CDH13: variants seen among roughly 807,000 people sequenced by gnomAD.
The protein encoded by CDH13 is cadherin-13.
A neutral mutation model predicts 63.8 loss-of-function variants in CDH13; 24 were observed. The ratio of observed to expected loss-of-function variants is 0.38; its 90% CI spans 0.27 to 0.53. The LOEUF (loss-of-function observed/expected upper bound fraction) is 0.53. Among genes scored for constraint, CDH13 ranks in the 20% least tolerant of loss-of-function variants. CDH13 has a pLI of 0.85. For synonymous variants in CDH13, 503 were observed against 355.3 expected, an observed-to-expected ratio of 1.42 and a Z score of -4.67; for missense variants, 1,049 against 903.1, an observed-to-expected ratio of 1.16 and a Z score of -2.07.
chr16:82,722,412 C>T (rs1567466842), intron 1 of CDH13, among the ~76,000 whole-genome samples: 1 of 151,794 alleles, frequency 6.6e-6, no homozygotes, highest in Non-Finnish European at 1.5e-5. Context: ...ACAACCCCAG[C>T]AGAGAGAGAG....
At chr16:83,115,289 T>C (rs1173882351) in intron 3 of CDH13, among the ~76,000 whole-genome samples, 1 of 152,224 alleles carries the variant, frequency 6.6e-6, no homozygotes, top group African/African-American at 2.4e-5. Context: ...CAGCAAGTCG[T>C]TGAATGGATT....
At chr16:83,051,079 A>T (rs376110589) in intron 3 of CDH13, among the ~76,000 whole-genome samples, 132 of 152,222 alleles carry the variant, frequency 8.7e-4, no homozygotes, top group African/African-American at 2.9e-3. Context: ...TTTTCCTGTG[A>T]TCCAATCTGC....
At chr16:83,209,715 C>A (rs539941345) in intron 4 of CDH13, among the ~76,000 whole-genome samples, 59 of 152,190 alleles carry the variant, frequency 3.9e-4, no homozygotes, top group African/African-American at 1.4e-3. Context: ...GGGACAGTTA[C>A]CACCACCCAC....
At chr16:83,486,800 C>G in intron 7 of CDH13, 145 bp downstream of exon 7, 1 of 723,442 alleles carries the variant, frequency 1.4e-6, no homozygotes. Flanking sequence ...TGGGGAAAAT[C>G]TATAAAGGGA....
At chr16:83,257,136 G>T (rs1906392159) in intron 5 of CDH13, among the ~76,000 whole-genome samples, 1 of 152,118 alleles carries the variant, frequency 6.6e-6, no homozygotes, top group African/African-American at 2.4e-5. Context: ...GGGGGATGGA[G>T]GAAGGTTTCT....
intron 1 of CDH13, among the ~76,000 whole-genome samples, chr16:82,740,420 C>T (rs1567485994): frequency 1.3e-5 from 2 of 152,204 alleles, no homozygotes; most frequent in Admixed American, 6.5e-5. Context: ...CCGCTTTCTT[C>T]AGAAGTGTCT....
intron 1 of CDH13, among the ~76,000 whole-genome samples, chr16:82,843,881 C>A (rs2039138203): frequency 6.6e-6 from 1 of 152,188 alleles, no homozygotes; most frequent in Non-Finnish European, 1.5e-5. Flanking sequence ...TGACTATGCA[C>A]CATCAGTGAG....
intron 1 of CDH13, chr16:82,844,895 T>A (rs1567593783): frequency 1.3e-5 from 2 of 151,982 alleles, no homozygotes; most frequent in Non-Finnish European, 2.9e-5. Flanking sequence ...GACTTTGTGA[T>A]CCGCCTGCCT....
intron 2 of CDH13, among the ~76,000 whole-genome samples, chr16:82,986,134 G>T (rs1910908840): frequency 1.3e-5 from 2 of 152,180 alleles, no homozygotes; most frequent in Admixed American, 1.3e-4. Context: ...GAGATGTTGT[G>T]GGACAACATA....
chr16:82,772,778 C>T (rs1385272490), intron 1 of CDH13, among the ~76,000 whole-genome samples: 2 of 152,158 alleles, frequency 1.3e-5, no homozygotes. Context: ...ATATGTCTAA[C>T]ATCATAGTGG....
At chr16:83,124,663 A>G (rs1222653588) in intron 3 of CDH13, among the ~76,000 whole-genome samples, 1 of 151,872 alleles carries the variant, frequency 6.6e-6, no homozygotes, top group African/African-American at 2.4e-5. Context: ...TAGGTCTTTA[A>G]TCCATCTTGA....
intron 2 of CDH13, among the ~76,000 whole-genome samples, chr16:83,003,390 T>G (rs1913145193): frequency 1.3e-5 from 2 of 149,866 alleles, no homozygotes; most frequent in Non-Finnish European, 3.0e-5. Flanking sequence ...TTAAGTGGGT[T>G]TTTTTTTTTA....
chr16:83,456,179 C>T (rs920024798), intron 6 of CDH13, among the ~76,000 whole-genome samples: 15 of 152,246 alleles, frequency 9.9e-5, no homozygotes, highest in African/African-American at 3.6e-4. Flanking sequence ...GTTGATAGAA[C>T]AGCAAACAAG....
At chr16:83,014,764 A>G (rs866107278) in intron 2 of CDH13, among the ~76,000 whole-genome samples, 19 of 51,118 alleles carry the variant, frequency 3.7e-4, no homozygotes, top group East Asian at 6.2e-4. Context: ...ATATATATAT[A>G]TATATATATA....
At chr16:82,803,536 G>A (rs774245533) in intron 1 of CDH13, among the ~76,000 whole-genome samples, 1 of 152,140 alleles carries the variant, frequency 6.6e-6, no homozygotes, top group Non-Finnish European at 1.5e-5. Flanking sequence ...TTTAGGGAAC[G>A]ACTCCAATGT....
intron 8 of CDH13, among the ~76,000 whole-genome samples, chr16:83,606,228 A>G (rs1022703159): frequency 6.6e-6 from 1 of 152,248 alleles, no homozygotes; most frequent in Non-Finnish European, 1.5e-5. Context: ...ATTTTTTCAT[A>G]TCTTAGGACA....
intron 6 of CDH13, among the ~76,000 whole-genome samples, chr16:83,406,533 G>A (rs1391813941): frequency 3.3e-5 from 5 of 150,656 alleles, no homozygotes; most frequent in Non-Finnish European, 7.4e-5. Context: ...GCACAATCTT[G>A]TCTCACTGCA....
At chr16:83,736,138 A>G (rs1316427532) in intron 10 of CDH13, among the ~76,000 whole-genome samples, 1 of 152,170 alleles carries the variant, frequency 6.6e-6, no homozygotes, top group Non-Finnish European at 1.5e-5. Context: ...TAGATTACCT[A>G]TAGGATCAGA....
chr16:82,649,801 C>T lies in CDH13; in HGVS notation c.45+22664C>T, dbSNP rs1189470917. 4.6e-5 allele frequency among the ~76,000 whole-genome samples: 7 copies of T among 152,150 alleles called. No individual in the cohort carries two copies. In the East Asian group the frequency reaches 5.8e-4, roughly 13 times the overall value. On this transcript the variant is annotated intron_variant, in intron 1 of 13. Transcript: ENST00000567109. The stretch of plus-strand genomic sequence containing the variant: ...ACTGCCTGGGTTTGAGTCTCAACTC[C>T]GCTGCCCTGTAACCTTGAGCAAACC...
Sources: gnomAD v4.1 joint callset for allele counts (sites outside exome capture counted in the v4.1 genomes callset) on GRCh38, gnomAD v4.1.1 for gene constraint, MANE v1.5 for transcripts, NCBI Gene and HGNC (gene_info 2026-07-23, HGNC 2026-07-21) for gene names.